The following ELP1 variants were observed in gnomAD, a reference collection of about 807,000 sequenced individuals.
ELP1 encodes elongator complex protein 1.
ELP1 carries 131 observed loss-of-function variants against 183.2 expected under a neutral mutation model. The ratio of observed to expected loss-of-function variants is 0.72; its 90% CI spans 0.62 to 0.83. The LOEUF (loss-of-function observed/expected upper bound fraction) is 0.83. Among genes scored for constraint, ELP1 ranks in the 40% least tolerant of loss-of-function variants. The probability of loss-of-function intolerance (pLI) is 0.00; values close to 1 mark genes in which losing one functional copy is unlikely to be tolerated. For missense variants in ELP1, 1,550 were observed against 1,594.9 expected, an observed-to-expected ratio of 0.97 and a Z score of 0.48; for synonymous variants, 555 against 569.0, an observed-to-expected ratio of 0.98 and a Z score of 0.35.
intron 36 of ELP1, among the ~76,000 whole-genome samples, chr9:108,872,621 G>C (rs573390590): frequency 2.2e-4 from 33 of 151,510 alleles, no homozygotes; most frequent in Non-Finnish European, 4.1e-4. Flanking sequence ...TGGCTAACAC[G>C]GTGAAACCCC....
intron 29 of ELP1, among the ~76,000 whole-genome samples, chr9:108,885,934 T>A (rs1828106390): frequency 6.6e-6 from 1 of 152,152 alleles, no homozygotes; most frequent in Admixed American, 6.5e-5. Flanking sequence ...GAAAAAAATG[T>A]CAAGGTTTTT....
At chr9:108,923,970 T>C (rs1445512684) in intron 5 of ELP1, among the ~76,000 whole-genome samples, 1 of 152,216 alleles carries the variant, frequency 6.6e-6, no homozygotes, top group African/African-American at 2.4e-5. Flanking sequence ...TATGGGTCCA[T>C]ATGACCATTT....
intron 29 of ELP1, among the ~76,000 whole-genome samples, chr9:108,888,093 G>C (rs1022640495): frequency 1.3e-5 from 2 of 152,118 alleles, no homozygotes; most frequent in Non-Finnish European, 2.9e-5. Context: ...GCAATACAAA[G>C]GAATAAACTA....
chr9:108,887,344 G>A (rs1361009756), intron 29 of ELP1, among the ~76,000 whole-genome samples: 1 of 152,094 alleles, frequency 6.6e-6, no homozygotes, highest in African/African-American at 2.4e-5. Flanking sequence ...ACACCACACT[G>A]GAAGCCCTAG....
rs371791247 is a variant in ELP1, at chr9:108,931,191, A to G, written c.-45T>C. Reference sequence around the variant, plus strand: ...GACAAGTACAACTATCCCTTGATGAATCATTAATCTCTAAGAGAAAAATAA... The same window carrying G: ...GACAAGTACAACTATCCCTTGATGAGTCATTAATCTCTAAGAGAAAAATAA... On this transcript the variant is annotated 5_prime_UTR_variant, in exon 2 of 37. Coordinates refer to ENST00000374647, the MANE Select transcript of ELP1 (RefSeq NM_003640.5). 60 of 1,563,344 alleles carry G rather than the reference A, an allele frequency of 3.8e-5. No individual in the cohort carries two copies. The highest frequency in any genetic ancestry group is 5.0e-5 in the Non-Finnish European group (57 of 1,133,748).
intron 25 of ELP1, among the ~76,000 whole-genome samples, chr9:108,895,697 T>C (rs1828517522): frequency 6.6e-6 from 1 of 152,186 alleles, no homozygotes; most frequent in Non-Finnish European, 1.5e-5. Context: ...CCGATTTTCA[T>C]TTTTGGAGAG....
intron 11 of ELP1, 125 bp from the exon 12 acceptor site, chr9:108,911,305 T>C: frequency 1.0e-6 from 1 of 953,580 alleles, no homozygotes; most frequent in South Asian, 1.4e-5. Flanking sequence ...TTCAATGTTT[T>C]TCTCAGGAAC....
At chr9:108,891,476 C>T (rs1374502387) in intron 27 of ELP1, 72 bp from the exon 28 acceptor site, 15 of 1,381,760 alleles carry the variant, frequency 1.1e-5, no homozygotes, top group South Asian at 5.9e-5. Context: ...AGTGTAGCTG[C>T]CTTAGTTCCT....
In ELP1 at chr9:108,919,299, C is replaced by A; in HGVS notation, c.603G>T (p.Arg201=). 1 of 1,613,884 alleles carries A rather than the reference C, an allele frequency of 6.2e-7. No homozygotes were observed. The highest frequency in any genetic ancestry group is 2.2e-5 in the East Asian group (1 of 44,854). The change falls in exon 7 of 37, where the codon CGG becomes CGT. Residue 201 remains arginine, a synonymous_variant. Coordinates refer to ENST00000374647, the MANE Select transcript of ELP1 (RefSeq NM_003640.5). ...TCACAGCAAAAAACTGTCCATCCCC[C>A]CGCCAGGTAACTTGTGGTCTATGGT... The part of the protein sequence containing the change: ...WDDHRPQVTW[R]GDGQFFAVSV...
chr9:108,913,772 G>A (rs1032440774), intron 10 of ELP1, among the ~76,000 whole-genome samples: 22 of 152,006 alleles, frequency 1.4e-4, no homozygotes, highest in Admixed American at 1.4e-3. Flanking sequence ...TCAGCCTCCC[G>A]AGTAGCTAGG....
intron 17 of ELP1, 40 bp from the exon 18 acceptor site, chr9:108,901,570 T>C: frequency 1.2e-6 from 2 of 1,610,046 alleles, no homozygotes; most frequent in Non-Finnish European, 1.7e-6. Flanking sequence ...GAAAGCTAGC[T>C]AGATTACTCG....
At chr9:108,912,978 T>A (rs1336610547) in intron 10 of ELP1, among the ~76,000 whole-genome samples, 2 of 151,714 alleles carry the variant, frequency 1.3e-5, no homozygotes, top group Non-Finnish European at 2.9e-5. Context: ...GCCAGGATGG[T>A]CTTGATCTCC....
intron 9 of ELP1, 75 bp from the exon 10 acceptor site, chr9:108,916,372 C>T (rs1829434598): frequency 5.1e-6 from 6 of 1,172,250 alleles, no homozygotes; most frequent in Non-Finnish European, 7.7e-6. Flanking sequence ...AGCTGTATTT[C>T]CTCTCTCAAA....
At chr9:108,930,016 AC>A in intron 2 of ELP1, 95 bp from the exon 3 acceptor site, 3 of 1,357,260 alleles carry the variant, frequency 2.2e-6, no homozygotes, top group Admixed American at 1.8e-5. Context: ...TTCTTTTATT[AC>A]ATAAAAGCTT....
chr9:108,927,327 A>G (rs1829852116), intron 4 of ELP1, 45 bp downstream of exon 4: 1 of 1,464,918 alleles, frequency 6.8e-7, no homozygotes. Flanking sequence ...AGACATCTGG[A>G]ATAATGTTTT....
intron 10 of ELP1, among the ~76,000 whole-genome samples, chr9:108,915,314 G>C (rs1051702142): frequency 2.0e-5 from 3 of 152,126 alleles, no homozygotes; most frequent in African/African-American, 7.2e-5. Context: ...TCCAGATGTT[G>C]CTGTGAAGGT....
chr9:108,891,290 A>G lies in ELP1; in HGVS notation c.3073T>C (p.Cys1025Arg). 6.2e-7 allele frequency: 1 copy of G among 1,614,236 alleles called. No homozygotes were observed. The highest frequency in any genetic ancestry group is 8.5e-7 in the Non-Finnish European group (1 of 1,180,032). Residue 1025 changes from cysteine to arginine, a missense_variant, in exon 28 of 37, where the codon TGT becomes CGT. Coordinates refer to ENST00000374647, the MANE Select transcript of ELP1 (RefSeq NM_003640.5). Reference protein sequence around the residue: ...HEKALSAFLTCGNWKQALCVA... With the variant: ...HEKALSAFLTRGNWKQALCVA... ...CAGAGGGCTTGCTTCCAGTTGCCACATGTCAGAAAGGCTGAGAGAGCTTTC... is the reference window on the plus strand; with the variant it reads ...CAGAGGGCTTGCTTCCAGTTGCCACGTGTCAGAAAGGCTGAGAGAGCTTTC...
intron 29 of ELP1, 104 bp from the exon 30 acceptor site, chr9:108,882,291 A>AG: frequency 1.1e-6 from 1 of 884,680 alleles, no homozygotes; most frequent in Non-Finnish European, 1.8e-6. Context: ...CTCCCTGGCC[A>AG]GGGGAGAACT....
In ELP1 at chr9:108,869,141, G is replaced by A; in HGVS notation, c.3973C>T (p.Gln1325Ter). Residue 1325 changes from glutamine (Q) to a stop codon, truncating the protein, a stop_gained, in exon 37 of 37, where the codon CAG becomes TAG. Coordinates refer to ENST00000374647, the MANE Select transcript of ELP1 (RefSeq NM_003640.5). LOFTEE classifies it high-confidence loss of function. ...CAGTCTAGCAGGCTCAGCTTCCACT[G>A]GGTTCTTCTGTTGATCTTTGGTGGT... ...FIPPKINRRT[Q>*]WKLSLLD 5.0e-6 allele frequency: 8 copies of A among 1,614,144 alleles called. No individual in the cohort carries two copies. Among genetic ancestry groups the A allele is most frequent in the Non-Finnish European group, 5.1e-6 (6 of 1,180,000 alleles).
Sources: allele counts gnomAD v4.1 joint callset (sites outside exome capture counted in the v4.1 genomes callset), GRCh38; gene constraint gnomAD v4.1.1; transcripts MANE v1.5; gene names NCBI Gene and HGNC (gene_info 2026-07-23, HGNC 2026-07-21).